The following NLRP5 variants were observed in gnomAD, a reference collection of about 807,000 sequenced individuals.
NLRP5 encodes the protein NLR family pyrin domain containing 5.
A neutral mutation model predicts 113.1 loss-of-function variants in NLRP5; 93 were observed. The observed-to-expected ratio is 0.82, with a 90% CI of 0.70 to 0.98. The LOEUF (loss-of-function observed/expected upper bound fraction) is 0.98, where lower values mean the gene tolerates loss of function less well. NLRP5 is among the 50% of genes least tolerant of loss of function. The pLI is 0.00. For missense variants in NLRP5, 1,808 were observed against 1,514.3 expected, an observed-to-expected ratio of 1.19 and a Z score of -3.22; for synonymous variants, 751 against 600.7, an observed-to-expected ratio of 1.25 and a Z score of -3.66.
chr19:56,045,780 A>G (rs10421870), intron 11 of NLRP5, among the ~76,000 whole-genome samples: 55,882 of 152,030 alleles, frequency 0.37, 10,707 homozygotes, highest in Non-Finnish European at 0.43. Context: ...ACACTGTCAC[A>G]AGGTGGGAGG....
intron 6 of NLRP5, among the ~76,000 whole-genome samples, chr19:56,022,408 GA>G (rs68166256): frequency 1.9e-5 from 1 of 53,684 alleles, no homozygotes; most frequent in South Asian, 8.4e-4. Context: ...TTATAGAAAG[GA>G]GGGGGCAGGG....
chr19:56,007,808 A>G (rs1981982055), intron 2 of NLRP5, among the ~76,000 whole-genome samples: 1 of 134,426 alleles, frequency 7.4e-6, no homozygotes, highest in African/African-American at 3.3e-5. Context: ...GTGGCTTGGA[A>G]TAGGATGATG....
At chr19:56,011,930 G>A (rs1982209076) in intron 3 of NLRP5, among the ~76,000 whole-genome samples, 1 of 151,902 alleles carries the variant, frequency 6.6e-6, no homozygotes, top group Admixed American at 6.6e-5. Context: ...GACCTCAGGT[G>A]ATCCACCCAC....
intron 9 of NLRP5, among the ~76,000 whole-genome samples, chr19:56,034,664 G>T (rs908171853): frequency 2.0e-4 from 31 of 152,148 alleles, no homozygotes; most frequent in African/African-American, 7.0e-4. Context: ...AGTGAAATCG[G>T]TGTGGTACAT....
chr19:56,015,310 C>T (rs898520643), intron 3 of NLRP5, among the ~76,000 whole-genome samples: 1 of 152,066 alleles, frequency 6.6e-6, no homozygotes, highest in Non-Finnish European at 1.5e-5. Flanking sequence ...ATTCTCCTGC[C>T]TCAGCCTTCC....
At chr19:56,039,359 A>C (rs555530211) in intron 10 of NLRP5, among the ~76,000 whole-genome samples, 10 of 152,322 alleles carry the variant, frequency 6.6e-5, no homozygotes, top group African/African-American at 2.2e-4. Context: ...CTCAGTAGCC[A>C]TGTGGGGCTA....
chr19:56,038,205 ACTTC>A lies in NLRP5; in HGVS notation c.2786+14_2786+17del, dbSNP rs1983390918. ...CCCTGCAGAAGCTGATGTGAGTGCC[ACTTC>A]CTTTCCACCAGGATTATCGTAACTT... is the stretch of plus-strand genomic sequence containing the variant. On this transcript the variant is annotated intron_variant, in intron 10 of 14. Transcript: ENST00000390649. 2 of 1,612,326 alleles carry A rather than the reference ACTTC, an allele frequency of 1.2e-6. No homozygotes were observed. The highest frequency in any genetic ancestry group is 4.5e-5 in the East Asian group (2 of 44,832).
Position 56,028,420 on chromosome 19 carries a change from C to T in NLRP5, c.2187C>T (p.His729=), listed in dbSNP as rs1057299300. 3 of 1,613,840 alleles carry T rather than the reference C, an allele frequency of 1.9e-6. No individual in the cohort carries two copies. The highest frequency in any genetic ancestry group is 2.5e-6 in the Non-Finnish European group (3 of 1,179,888). Residue 729 remains histidine (H), a synonymous_variant, in exon 7 of 15, where the codon CAC becomes CAT. Transcript: ENST00000390649. ...TAGCATCTTCCTTCTGCCTCCAGCACTGTCCGTATTTGCGGAAAATTCGGG... is the reference window on the plus strand; with the variant it reads ...TAGCATCTTCCTTCTGCCTCCAGCATTGTCCGTATTTGCGGAAAATTCGGG...
chr19:56,030,653 T>A (rs533074411), intron 7 of NLRP5, among the ~76,000 whole-genome samples: 20 of 151,736 alleles, frequency 1.3e-4, no homozygotes, highest in African/African-American at 4.3e-4. Context: ...TCATAAAAAG[T>A]CAAAGCTACT....
At chr19:56,011,196 T>C (rs1982177953) in intron 3 of NLRP5, among the ~76,000 whole-genome samples, 1 of 151,956 alleles carries the variant, frequency 6.6e-6, no homozygotes, top group South Asian at 2.1e-4. Flanking sequence ...TGCTACAAGA[T>C]GGATGGACCT....
chr19:56,048,075 GC>G (rs1983793848), intron 11 of NLRP5, among the ~76,000 whole-genome samples: 1 of 152,162 alleles, frequency 6.6e-6, no homozygotes, highest in Non-Finnish European at 1.5e-5. Context: ...TGCATGAAAT[GC>G]CTTTTTGTAC....
At chr19:56,042,505 C>T (rs539072991) in intron 11 of NLRP5, among the ~76,000 whole-genome samples, 11 of 152,266 alleles carry the variant, frequency 7.2e-5, no homozygotes, top group Non-Finnish European at 1.5e-5. Context: ...TGCACCACCA[C>T]ACCTGGCTAC....
intron 2 of NLRP5, among the ~76,000 whole-genome samples, chr19:56,005,744 G>T (rs73934615): frequency 6.6e-6 from 1 of 152,134 alleles, no homozygotes; most frequent in Non-Finnish European, 1.5e-5. Context: ...TTGGAAAAAA[G>T]GCCCAGTGTG....
chr19:56,005,718 G>A (rs1308603999), intron 2 of NLRP5, among the ~76,000 whole-genome samples: 2 of 152,176 alleles, frequency 1.3e-5, no homozygotes, highest in Admixed American at 1.3e-4. Flanking sequence ...CGCTTCAAGG[G>A]CTCTCTCTCC....
chr19:56,011,192 AAG>A (rs1982177779), intron 3 of NLRP5, among the ~76,000 whole-genome samples: 1 of 150,140 alleles, frequency 6.7e-6, no homozygotes, highest in Admixed American at 6.7e-5. Flanking sequence ...TGTATGCTAC[AAG>A]ATGGATGGAC....
chr19:56,054,009 G>T (rs576483839), intron 13 of NLRP5, among the ~76,000 whole-genome samples: 1 of 152,250 alleles, frequency 6.6e-6, no homozygotes, highest in South Asian at 2.1e-4. Context: ...AGTGGCAAAT[G>T]CTTGGGAACA....
intron 11 of NLRP5, among the ~76,000 whole-genome samples, chr19:56,046,859 A>G (rs1231391349): frequency 6.6e-6 from 1 of 152,198 alleles, no homozygotes; most frequent in Admixed American, 6.5e-5. Flanking sequence ...CGTCTGGTAG[A>G]ATTCTGTGAA....
rs183785794 is a variant in NLRP5 at position 56,055,840 on chromosome 19, T to C, written c.3299+2032T>C. On this transcript the variant is annotated intron_variant, in intron 13 of 14. Transcript: ENST00000390649. ...GATTACAGGCATAAGCCACCGCGCCTGGCCTGTTTTTCTGTCTTCTAAATG... is the reference window on the plus strand; with the variant it reads ...GATTACAGGCATAAGCCACCGCGCCCGGCCTGTTTTTCTGTCTTCTAAATG... 9.5e-4 allele frequency among the ~76,000 whole-genome samples: 144 copies of C among 152,210 alleles called. No individual in the cohort carries two copies. The Middle Eastern group carries it at 0.01, about 11-fold the overall frequency.
Position 56,027,860 on chromosome 19 carries a change from A to G in NLRP5, c.1627A>G (p.Lys543Glu). 6.2e-7 allele frequency: 1 copy of G among 1,613,872 alleles called. No individual in the cohort carries two copies. Among genetic ancestry groups the G allele is most frequent in the Non-Finnish European group, 8.5e-7 (1 of 1,179,858 alleles). The change falls in exon 7 of 15, where the codon AAG becomes GAG. Residue 543 changes from lysine (K) to glutamate (E), a missense_variant. Transcript: ENST00000390649. Reference sequence around the variant, plus strand: ...GGCTGTGGAGGGAGTGTGGAATAGGAAGTCAGTGTTTGACGGTGACGACCT... The same window carrying G: ...GGCTGTGGAGGGAGTGTGGAATAGGGAGTCAGTGTTTGACGGTGACGACCT...
Sources: gnomAD v4.1 joint callset for allele counts (sites outside exome capture counted in the v4.1 genomes callset) on GRCh38, gnomAD v4.1.1 for gene constraint, MANE v1.5 for transcripts, NCBI Gene and HGNC (gene_info 2026-07-23, HGNC 2026-07-21) for gene names.